Variants in APLP2 observed in about 807,000 individuals in gnomAD.
APLP2 encodes amyloid beta precursor like protein 2.
Under a neutral mutation model 89.9 loss-of-function variants are expected in APLP2, and 53 were observed. That is an observed-to-expected ratio of 0.59 (90% confidence interval 0.47 to 0.74). APLP2 has a LOEUF of 0.74. Ranked by LOEUF, APLP2 falls within the 30% of genes least tolerant of loss-of-function variation. The pLI is 0.00. For missense variants in APLP2, 973 were observed against 975.9 expected, an observed-to-expected ratio of 1.00 and a Z score of 0.04; for synonymous variants, 372 against 348.6, an observed-to-expected ratio of 1.07 and a Z score of -0.75.
chr11:130,099,235 C>T (rs1565567654), intron 1 of APLP2, among the ~76,000 whole-genome samples: 1 of 152,160 alleles, frequency 6.6e-6, no homozygotes, highest in Non-Finnish European at 1.5e-5. Context: ...GGGAGGCCAT[C>T]TTCATTTCTA....
rs1169597939 is a variant in APLP2 at position 130,143,776 on chromosome 11, TA to T, written c.*331del. 4.5e-6 allele frequency: 1 copy of T among 222,050 alleles called. No homozygotes were observed. Among genetic ancestry groups the T allele is most frequent in the East Asian group, 1.1e-4 (1 of 9,118 alleles). 13.8% of individuals were successfully genotyped at this position (222,050 alleles called of 1,614,324 possible). A position where few individuals can be genotyped will look rare whatever the true frequency, so the allele number is the denominator to read the frequency against. On this transcript the variant is annotated 3_prime_UTR_variant, in exon 17 of 17. Transcript: ENST00000338167. ...TCTGACACATGCTCTCAATATATAA[TA>T]AATGGGAAATGTCGATTTTCAATAA...
chr11:130,070,057 C>T lies in APLP2; in HGVS notation c.80C>T (p.Ala27Val). The change falls in exon 1 of 17, where the codon GCC (alanine) becomes GTC (valine). Residue 27 changes from alanine (A) to valine (V), a missense_variant. Ala to Val is a moderately conservative substitution (Grantham distance 64). Transcript: ENST00000338167. ...CTGCTGGTGGGGCTCACGGCGCCTGCCTTGGCGCTGGCCGGCTACATCGAG... is the reference window on the plus strand; with the variant it reads ...CTGCTGGTGGGGCTCACGGCGCCTGTCTTGGCGCTGGCCGGCTACATCGAG... ...LLLLVGLTAP[A>V]LALAGYIEAL... 2 of 1,494,506 alleles carry T rather than the reference C, an allele frequency of 1.3e-6. No homozygotes were observed. The highest frequency in any genetic ancestry group is 1.8e-6 in the Non-Finnish European group (2 of 1,130,544). The allele number at this position is 1,494,506 out of a possible 1,614,324, so 92.6% of individuals were successfully genotyped here. A position where few individuals can be genotyped will look rare whatever the true frequency, so the allele number is the denominator to read the frequency against.
intron 1 of APLP2, among the ~76,000 whole-genome samples, chr11:130,093,750 A>T (rs1168778093): frequency 4.0e-5 from 6 of 148,418 alleles, no homozygotes; most frequent in Non-Finnish European, 6.0e-5. Context: ...TTTTTTATTT[A>T]TTTTTTTTTT....
In APLP2 at chr11:130,143,558, C is replaced by G; in HGVS notation, c.*110C>G. The G allele has an allele frequency of 2.4e-6, 2 of 844,388 alleles. No individual in the cohort carries two copies. Among genetic ancestry groups the G allele is most frequent in the Non-Finnish European group, 4.0e-6 (2 of 501,896 alleles). The allele number at this position is 844,388 out of a possible 1,614,324, so 52.3% of individuals were successfully genotyped here. ...CGCTGCCAGGGGCTGCGTCTGACAT[C>G]CTGACCTCCTGGACTGTAGGACTAT... On this transcript the variant is annotated 3_prime_UTR_variant, in exon 17 of 17. Transcript: ENST00000338167.
intron 3 of APLP2, 126 bp downstream of exon 3, chr11:130,110,787 G>T: frequency 7.9e-7 from 1 of 1,272,334 alleles, no homozygotes; most frequent in Non-Finnish European, 1.1e-6. Flanking sequence ...ATTTATTGGG[G>T]AGGATTTCTC....
intron 13 of APLP2, 48 bp from the exon 14 acceptor site, chr11:130,140,350 T>G: frequency 6.7e-7 from 1 of 1,483,224 alleles, no homozygotes; most frequent in Non-Finnish European, 9.2e-7. Flanking sequence ...GCAATGGGTG[T>G]GAGATGGGCC....
At chr11:130,073,495 A>G (rs139423663) in intron 1 of APLP2, among the ~76,000 whole-genome samples, 51 of 152,336 alleles carry the variant, frequency 3.3e-4, no homozygotes, top group African/African-American at 1.2e-3. Context: ...TTGTTAGAAC[A>G]ATTTTGAATG....
chr11:130,127,958 A>C, intron 9 of APLP2, 118 bp downstream of exon 9: 1 of 830,376 alleles, frequency 1.2e-6, no homozygotes, highest in Non-Finnish European at 1.9e-6. Flanking sequence ...AGGGCTTACA[A>C]GGAAGTTGTA....
chr11:130,099,510 G>C (rs1946632153), intron 1 of APLP2, among the ~76,000 whole-genome samples: 1 of 152,204 alleles, frequency 6.6e-6, no homozygotes, highest in Non-Finnish European at 1.5e-5. Flanking sequence ...GAAGTGTTTT[G>C]ATAGTTGCAG....
At chr11:130,125,032 G>C (rs1950212533) in intron 7 of APLP2, among the ~76,000 whole-genome samples, 1 of 152,176 alleles carries the variant, frequency 6.6e-6, no homozygotes, top group Non-Finnish European at 1.5e-5. Flanking sequence ...GCTGTGGCTT[G>C]GATGAGATTT....
At chr11:130,094,047 A>ATTTTT (rs138605738) in intron 1 of APLP2, among the ~76,000 whole-genome samples, 3 of 76,380 alleles carry the variant, frequency 3.9e-5, no homozygotes, top group Non-Finnish European at 7.7e-5. Context: ...TCCCGGCCGT[A>ATTTTT]TTTTTTTTTT....
chr11:130,072,732 C>G (rs1291768050), intron 1 of APLP2, among the ~76,000 whole-genome samples: 2 of 152,198 alleles, frequency 1.3e-5, no homozygotes, highest in Non-Finnish European at 2.9e-5. Flanking sequence ...CTGCCTCGGC[C>G]TCCCAAAGTG....
intron 1 of APLP2, among the ~76,000 whole-genome samples, chr11:130,094,166 T>A (rs1945874785): frequency 6.6e-6 from 1 of 151,026 alleles, no homozygotes; most frequent in Non-Finnish European, 1.5e-5. Flanking sequence ...CGATTCTCCT[T>A]CCTCAGCCTC....
intron 1 of APLP2, among the ~76,000 whole-genome samples, chr11:130,097,533 A>C (rs1946370584): frequency 6.6e-6 from 1 of 152,120 alleles, no homozygotes; most frequent in Non-Finnish European, 1.5e-5. Context: ...GTCTCTGCAA[A>C]AAATGTTTGT....
At chr11:130,092,129 C>A (rs371857727) in intron 1 of APLP2, among the ~76,000 whole-genome samples, 7,219 of 124,960 alleles carry the variant, frequency 0.058, 272 homozygotes, top group African/African-American at 0.12. Context: ...CGATGGGCGG[C>A]GGGGCAGAGA....
Position 130,140,420 on chromosome 11 carries a change from TGG to T in APLP2, c.1864_1865del (p.Gly622ThrfsTer10). The T allele has an allele frequency of 6.2e-7, 1 of 1,610,818 alleles. No homozygotes were observed. Among genetic ancestry groups the T allele is most frequent in the Non-Finnish European group, 8.5e-7 (1 of 1,178,738 alleles). ...CAGGATCTGGAGTGGGAGAGCAGGA[TGG>T]GGGACTGATCGGTGCCGAAGAGAAA... is the stretch of plus-strand genomic sequence containing the variant. ...NEGSGVGEQD[G>X]GLIGAEEKVI... On this transcript the variant is annotated frameshift_variant, in exon 14 of 17. Transcript: ENST00000338167. LOFTEE classifies it high-confidence loss of function.
intron 1 of APLP2, chr11:130,070,520 C>T: frequency 2.4e-6 from 3 of 1,243,208 alleles, no homozygotes; most frequent in Admixed American, 4.4e-5. Flanking sequence ...TCGCGCGGCA[C>T]CGGGGCCTCG....
chr11:130,095,054 T>C (rs1297008939), intron 1 of APLP2, among the ~76,000 whole-genome samples: 1 of 152,138 alleles, frequency 6.6e-6, no homozygotes, highest in Non-Finnish European at 1.5e-5. Context: ...CTTACTCTAA[T>C]GGGGAAATAG....
chr11:130,104,697 A>G (rs759787938), intron 1 of APLP2, among the ~76,000 whole-genome samples: 7 of 152,142 alleles, frequency 4.6e-5, no homozygotes, highest in Admixed American at 6.5e-5. Flanking sequence ...AGGAACTCAT[A>G]TTAGTCTGTA....
Sources: gnomAD v4.1 joint callset for allele counts (sites outside exome capture counted in the v4.1 genomes callset) on GRCh38, gnomAD v4.1.1 for gene constraint, MANE v1.5 for transcripts, NCBI Gene and HGNC (gene_info 2026-07-23, HGNC 2026-07-21) for gene names.